The following ZFAT variants were observed in gnomAD, a reference collection of about 807,000 sequenced individuals.
ZFAT encodes the protein zinc finger protein ZFAT.
A neutral mutation model predicts 117.7 loss-of-function variants in ZFAT; 64 were observed. The ratio of observed to expected loss-of-function variants is 0.54; its 90% confidence interval spans 0.44 to 0.67. ZFAT has a LOEUF of 0.67. ZFAT is among the 30% of genes least tolerant of loss of function. The pLI is 0.00. For synonymous variants in ZFAT, 679 were observed against 615.0 expected, an observed-to-expected ratio of 1.10 and a Z score of -1.54; for missense variants, 1,433 against 1,584.5, an observed-to-expected ratio of 0.90 and a Z score of 1.62.
At chr8:134,605,312 TGAG>T (rs1433271787) in intron 5 of ZFAT, among the ~76,000 whole-genome samples, 1 of 152,128 alleles carries the variant, frequency 6.6e-6, no homozygotes, top group Non-Finnish European at 1.5e-5. Context: ...TTTGGGAGGC[TGAG>T]GAGGGCGGAT....
intron 12 of ZFAT, 55 bp from the exon 13 acceptor site, chr8:134,521,056 C>T (rs1820620225): frequency 1.5e-6 from 2 of 1,300,094 alleles, no homozygotes; most frequent in Admixed American, 1.9e-5. Context: ...CAGAAAAATG[C>T]AACAGTTCCT....
At chr8:134,534,052 T>C (rs1821635759) in intron 11 of ZFAT, among the ~76,000 whole-genome samples, 3 of 152,326 alleles carry the variant, frequency 2.0e-5, no homozygotes, top group African/African-American at 4.8e-5. Flanking sequence ...GCACTCTGCC[T>C]GGTGCAGGGG....
intron 2 of ZFAT, among the ~76,000 whole-genome samples, chr8:134,640,511 C>A (rs1020915132): frequency 6.6e-6 from 1 of 152,182 alleles, no homozygotes; most frequent in Non-Finnish European, 1.5e-5. Context: ...CTCCACTCCC[C>A]CAGACTGGAG....
At chr8:134,810,206 G>A in the ZFAT span, among the ~76,000 whole-genome samples, 5 of 152,074 alleles carry the variant, frequency 3.3e-5, no homozygotes, top group East Asian at 1.9e-4. Flanking sequence ...CGCAACCTAC[G>A]TTTCAATAAG....
intron 5 of ZFAT, among the ~76,000 whole-genome samples, chr8:134,605,982 G>A (rs1248910966): frequency 6.6e-6 from 1 of 152,200 alleles, no homozygotes; most frequent in East Asian, 1.9e-4. Context: ...GATTGACTTG[G>A]TCTAGGGACA....
chr8:134,773,811 T>C, the ZFAT span, among the ~76,000 whole-genome samples: 8 of 152,262 alleles, frequency 5.3e-5, no homozygotes, highest in Middle Eastern at 3.4e-3. Context: ...TGCAATGTCA[T>C]GATAAAACTT....
intron 1 of ZFAT, among the ~76,000 whole-genome samples, chr8:134,667,062 C>G (rs1184895255): frequency 6.6e-6 from 1 of 152,108 alleles, no homozygotes; most frequent in Non-Finnish European, 1.5e-5. Flanking sequence ...CACGTTCTCA[C>G]TCATAAGTGG....
At chr8:134,642,138 G>A (rs1168997476) in intron 2 of ZFAT, among the ~76,000 whole-genome samples, 1 of 152,228 alleles carries the variant, frequency 6.6e-6, no homozygotes, top group Non-Finnish European at 1.5e-5. Context: ...AACGGTTCAA[G>A]TGGCTTGGCG....
At chr8:134,495,210 G>T (rs1237386191) in intron 15 of ZFAT, among the ~76,000 whole-genome samples, 1 of 152,170 alleles carries the variant, frequency 6.6e-6, no homozygotes, top group East Asian at 1.9e-4. Flanking sequence ...AGTTCTGGCG[G>T]CTAGAAGTCT....
Position 134,590,363 on chromosome 8 carries a change from G to A in ZFAT, c.2476-8C>T. 6.3e-7 allele frequency: 1 copy of A among 1,598,654 alleles called. No homozygotes were observed. Among genetic ancestry groups the A allele is most frequent in the Non-Finnish European group, 8.6e-7 (1 of 1,169,344 alleles). ...AGAATAACTCCTTTTGTCCTTAATA[G>A]AAAGAGAACATAATCAGTTGACTTT... On this transcript the variant is annotated splice_polypyrimidine_tract_variant and splice_region_variant and intron_variant, in intron 7 of 15. Transcript: ENST00000377838.
In ZFAT at chr8:134,681,485, C is replaced by T. The variant is rs575682471; in HGVS notation, c.20-23748G>A. On this transcript the variant is annotated intron_variant, in intron 1 of 15. Transcript: ENST00000377838. ...AGGCACTCCATAAGTGCTAGATGAT[C>T]TGATTATTACAAAATGATTAACCAT... 3.9e-5 allele frequency among the ~76,000 whole-genome samples: 6 copies of T among 152,310 alleles called. 1 individual carries two copies. In the East Asian group the frequency reaches 1.2e-3, roughly 29 times the overall value.
intron 2 of ZFAT, among the ~76,000 whole-genome samples, chr8:134,646,005 C>G (rs1179165711): frequency 1.3e-5 from 2 of 151,944 alleles, no homozygotes; most frequent in African/African-American, 4.8e-5. Flanking sequence ...GTTTGAGAAC[C>G]ATCCTGGCCA....
At chr8:134,713,699 G>A (rs140678199), upstream of ZFAT, among the ~76,000 whole-genome samples, 393 of 152,204 alleles carry the variant, frequency 2.6e-3, 1 homozygote, top group Non-Finnish European at 4.4e-3. Context: ...TGAGTCTGGT[G>A]GAAATTTAAT....
chr8:134,571,930 C>A lies in ZFAT; in HGVS notation c.2888-6509G>T, dbSNP rs1003431470. The stretch of plus-strand genomic sequence containing the variant: ...TGGCAGTGCAATGCACAATTAAAAC[C>A]ACCAAAACAAAATAGCCATCCCGCT... On this transcript the variant is annotated intron_variant, in intron 10 of 15. Transcript: ENST00000377838. Among the ~76,000 whole-genome samples the A allele has an allele frequency of 2.0e-5, 3 of 152,156 alleles. No homozygotes were observed. The South Asian group carries it at 6.2e-4, about 32-fold the overall frequency.
intron 10 of ZFAT, among the ~76,000 whole-genome samples, chr8:134,581,587 T>A (rs1426933744): frequency 6.6e-6 from 1 of 152,156 alleles, no homozygotes; most frequent in Admixed American, 6.5e-5. Context: ...TTTCTTTTTT[T>A]TGGCAGGGGG....
chr8:134,526,359 C>A (rs1375676922), intron 12 of ZFAT, among the ~76,000 whole-genome samples: 1 of 152,152 alleles, frequency 6.6e-6, no homozygotes, highest in Non-Finnish European at 1.5e-5. Context: ...TAATTGACAT[C>A]AAAGCTGAGA....
intron 14 of ZFAT, among the ~76,000 whole-genome samples, chr8:134,511,461 C>T (rs1379751540): frequency 2.6e-5 from 4 of 152,338 alleles, no homozygotes; most frequent in African/African-American, 7.2e-5. Context: ...GCTCAGCAGG[C>T]AGTGAACACA....
At chr8:134,688,324 C>T (rs1833432612) in intron 1 of ZFAT, among the ~76,000 whole-genome samples, 1 of 152,186 alleles carries the variant, frequency 6.6e-6, no homozygotes, top group African/African-American at 2.4e-5. Context: ...TACATGCGCA[C>T]ACATGCACCC....
intron 7 of ZFAT, among the ~76,000 whole-genome samples, chr8:134,595,370 T>C (rs1212517997): frequency 6.6e-6 from 1 of 151,972 alleles, no homozygotes; most frequent in East Asian, 1.9e-4. Flanking sequence ...AGAGAGAGAA[T>C]GCTGACTTGG....
Sources: gnomAD v4.1 joint callset for allele counts (sites outside exome capture counted in the v4.1 genomes callset) on GRCh38, gnomAD v4.1.1 for gene constraint, MANE v1.5 for transcripts, NCBI Gene and HGNC (gene_info 2026-07-23, HGNC 2026-07-21) for gene names.